Variants in KANK1 observed in about 807,000 individuals in gnomAD.
The protein encoded by KANK1 is KN motif and ankyrin repeat domains 1.
KANK1 carries 109 observed loss-of-function variants against 106.2 expected under a neutral mutation model. The observed-to-expected ratio is 1.03, with a 90% CI of 0.88 to 1.20. The LOEUF (loss-of-function observed/expected upper bound fraction) is 1.20. KANK1 is among the 50% of genes most tolerant of loss of function. The pLI is 0.00. For missense variants in KANK1, 2,399 were observed against 1,710.7 expected (o/e 1.40, Z -7.10); for synonymous variants, 873 against 652.2 (o/e 1.34, Z -5.16).
rs1018898975 is a variant in KANK1, at chr9:711,823, G to C, written c.1057G>C (p.Glu353Gln). Residue 353 changes from glutamate to glutamine, a missense_variant, in exon 3 of 12, where the codon GAA (glutamate) becomes CAA (glutamine). Physicochemically the swap from Glu to Gln is conservative, Grantham distance 29. Coordinates refer to ENST00000382297, the MANE Select transcript of KANK1 (RefSeq NM_015158.5). ...ATTATACATTGACTATGAGGAGGAA[G>C]AAATGGAGACCGTAGAACAGAGCAC... is the stretch of plus-strand genomic sequence containing the variant. Reference protein sequence around the residue: ...GELYIDYEEEEMETVEQSTQR... With the variant: ...GELYIDYEEEQMETVEQSTQR... 1.9e-6 allele frequency: 3 copies of C among 1,614,050 alleles called. 1 individual carries two copies. The highest frequency in any genetic ancestry group is 2.2e-5 in the South Asian group (2 of 91,090).
chr9:671,906 C>A (rs1588772757), intron 1 of KANK1, among the ~76,000 whole-genome samples: 1 of 152,114 alleles, frequency 6.6e-6, no homozygotes, highest in East Asian at 1.9e-4. Context: ...TGAGATCGCG[C>A]CACTGCACTC....
In KANK1 at chr9:677,024, TG is replaced by T. The variant is rs1179935560; in HGVS notation, c.37+17del. On this transcript the variant is annotated intron_variant, in intron 2 of 11. Transcript: ENST00000382297. Reference sequence around the variant, plus strand: ...CAGTGCCTCAGGTAACCCTGTGCTCTGGAGTTTGTGTGTTAAATGTATGTCT... The same window carrying T: ...CAGTGCCTCAGGTAACCCTGTGCTCTGAGTTTGTGTGTTAAATGTATGTCT... 12 of 1,611,676 alleles carry T rather than the reference TG, an allele frequency of 7.4e-6. No individual in the cohort carries two copies. The highest frequency in any genetic ancestry group is 3.3e-4 in the Middle Eastern group (2 of 6,058).
In KANK1 at chr9:569,933, T is replaced by C. The variant is rs966052595; in HGVS notation, c.-84+65179T>C. On this transcript the variant is annotated intron_variant, in intron 1 of 11. Transcript: ENST00000382297. ...ATCAGATTCCGTAACACTTGATACG[T>C]TGTAAGGTTTCTGTTTTCATTCATT... Among the ~76,000 whole-genome samples the C allele has an allele frequency of 2.4e-4, 37 of 152,170 alleles. 1 individual carries two copies. Among genetic ancestry groups the C allele is most frequent in the African/African-American group, 8.7e-4 (36 of 41,448 alleles).
chr9:641,961 C>A (rs1411896588), intron 1 of KANK1, among the ~76,000 whole-genome samples: 2 of 152,158 alleles, frequency 1.3e-5, no homozygotes, highest in Non-Finnish European at 2.9e-5. Context: ...AACCCATACC[C>A]ATTGGCAATC....
At chr9:506,395 C>T (rs557195678) in intron 1 of KANK1, among the ~76,000 whole-genome samples, 1 of 152,220 alleles carries the variant, frequency 6.6e-6, no homozygotes, top group South Asian at 2.1e-4. Context: ...GGAATAATTG[C>T]CTCCTGTAGA....
At chr9:695,449 T>C (rs1821003558) in intron 2 of KANK1, among the ~76,000 whole-genome samples, 1 of 123,154 alleles carries the variant, frequency 8.1e-6, no homozygotes, top group Non-Finnish European at 1.7e-5. Flanking sequence ...CATACCACTC[T>C]GCCCAAGCAG....
intron 1 of KANK1, among the ~76,000 whole-genome samples, chr9:624,844 A>C (rs1003052501): frequency 2.0e-5 from 3 of 152,136 alleles, no homozygotes; most frequent in African/African-American, 7.2e-5. Context: ...GCAATGAAAA[A>C]AATAGCTGCC....
At chr9:611,865 C>T (rs1298925527) in intron 1 of KANK1, among the ~76,000 whole-genome samples, 1 of 152,112 alleles carries the variant, frequency 6.6e-6, no homozygotes, top group Non-Finnish European at 1.5e-5. Flanking sequence ...ATTACAGGCG[C>T]ATGCCACCAC....
chr9:614,622 T>G (rs957714986), intron 1 of KANK1, among the ~76,000 whole-genome samples: 1 of 152,084 alleles, frequency 6.6e-6, no homozygotes, highest in African/African-American at 2.4e-5. Context: ...CCTTGCCCAC[T>G]AAATGCCGGA....
intron 1 of KANK1, among the ~76,000 whole-genome samples, chr9:666,215 A>G (rs1844535163): frequency 6.6e-6 from 1 of 152,062 alleles, no homozygotes; most frequent in Admixed American, 6.6e-5. Context: ...GGTATTTTAC[A>G]TTCTGTGTAG....
chr9:639,803 G>T (rs1837978691), intron 1 of KANK1, among the ~76,000 whole-genome samples: 1 of 152,148 alleles, frequency 6.6e-6, no homozygotes, highest in South Asian at 2.1e-4. Context: ...AGATCAAGAT[G>T]ACAGCAGATT....
At chr9:743,648 C>T (rs140115757) in intron 10 of KANK1, among the ~76,000 whole-genome samples, 26 of 152,022 alleles carry the variant, frequency 1.7e-4, no homozygotes, top group South Asian at 1.2e-3. Flanking sequence ...GAGGATCGCT[C>T]GAGCCCAGGA....
At chr9:482,140 C>T (rs1237797137) in intron 3 of KANK1, among the ~76,000 whole-genome samples, 2 of 152,188 alleles carry the variant, frequency 1.3e-5, no homozygotes, top group Non-Finnish European at 2.9e-5. Flanking sequence ...GCCCTTAGCG[C>T]TCCCCTTGTA....
chr9:528,593 A>T (rs559705325), intron 1 of KANK1, among the ~76,000 whole-genome samples: 1 of 143,342 alleles, frequency 7.0e-6, no homozygotes, highest in Non-Finnish European at 1.5e-5. Flanking sequence ...GGTTGAAGCA[A>T]TTCTCCAGTC....
chr9:630,576 G>C (rs1425629200), intron 1 of KANK1, among the ~76,000 whole-genome samples: 1 of 151,962 alleles, frequency 6.6e-6, no homozygotes, highest in Admixed American at 6.6e-5. Context: ...CTGAAGAGTA[G>C]CTTCGTTTCA....
At chr9:581,051 A>G (rs1821992199) in intron 1 of KANK1, among the ~76,000 whole-genome samples, 1 of 152,106 alleles carries the variant, frequency 6.6e-6, no homozygotes, top group Non-Finnish European at 1.5e-5. Context: ...CGGCCGCTCC[A>G]AGTGTGGGGC....
chr9:547,346 G>T (rs1450340004), intron 1 of KANK1: 1 of 152,214 alleles, frequency 6.6e-6, no homozygotes, highest in Non-Finnish European at 1.5e-5. Flanking sequence ...CCCTGGGTAA[G>T]TTTGAAGAGC....
At chr9:591,549 A>G (rs949774151) in intron 1 of KANK1, among the ~76,000 whole-genome samples, 1 of 151,838 alleles carries the variant, frequency 6.6e-6, no homozygotes, top group Non-Finnish European at 1.5e-5. Context: ...TTCTCAGTCC[A>G]GGGAATATGC....
chr9:528,999 A>G (rs1010572673), intron 1 of KANK1, among the ~76,000 whole-genome samples: 7 of 151,904 alleles, frequency 4.6e-5, no homozygotes, highest in Non-Finnish European at 1.0e-4. Context: ...GGGTCTCACT[A>G]TGTTTCCCAG....
Sources: allele counts gnomAD v4.1 joint callset (sites outside exome capture counted in the v4.1 genomes callset), GRCh38; gene constraint gnomAD v4.1.1; transcripts MANE v1.5; gene names NCBI Gene and HGNC (gene_info 2026-07-23, HGNC 2026-07-21).